The following PANK2 variants were observed in gnomAD, a reference collection of about 807,000 sequenced individuals.
PANK2 encodes the protein pantothenate kinase 2.
In PANK2, 36 loss-of-function variants were observed where a neutral mutation model predicts 43.1. The observed-to-expected ratio is 0.84, with a 90% CI of 0.64 to 1.10. PANK2 has a LOEUF of 1.10. Among genes scored for constraint, PANK2 ranks in the 50% least tolerant of loss-of-function variants. The probability of loss-of-function intolerance (pLI) is 0.00; values close to 1 mark genes in which losing one functional copy is unlikely to be tolerated. For synonymous variants in PANK2, 281 were observed against 238.2 expected, an observed-to-expected ratio of 1.18 and a Z score of -1.66; for missense variants, 576 against 593.3, an observed-to-expected ratio of 0.97 and a Z score of 0.30.
At position 3,924,768 on chromosome 20, in the gene PANK2, C is replaced by G. The variant is rs755734620; in HGVS notation, c.*1474C>G. 6.5e-6 allele frequency: 1 copy of G among 153,584 alleles called. No homozygotes were observed. The highest frequency in any genetic ancestry group is 2.4e-5 in the African/African-American group (1 of 41,456). 9.5% of individuals were successfully genotyped at this position (153,584 alleles called of 1,614,324 possible). ...CCAGCAGCGCTGTTGGTGGCCTCAC[C>G]CTCCTCCAGTACCCAGGCACCAAAG... is the stretch of plus-strand genomic sequence containing the variant. On this transcript the variant is annotated 3_prime_UTR_variant, in exon 7 of 7. Transcript: ENST00000610179.
chr20:3,895,108 GTC>G (rs1420498653), intron 1 of PANK2, among the ~76,000 whole-genome samples: 1 of 151,714 alleles, frequency 6.6e-6, no homozygotes, highest in East Asian at 1.9e-4. Context: ...GCCAGACCTC[GTC>G]TCTCCAAAAA....
At chr20:3,911,282 G>C (rs1341525198) in intron 3 of PANK2, among the ~76,000 whole-genome samples, 1 of 151,914 alleles carries the variant, frequency 6.6e-6, no homozygotes, top group East Asian at 1.9e-4. Context: ...TTGAGGGAAG[G>C]TAGTATGAAA....
chr20:3,921,260 C>T (rs1385828368), intron 6 of PANK2: 1 of 149,720 alleles, frequency 6.7e-6, no homozygotes, highest in Admixed American at 6.7e-5. Flanking sequence ...TCCAAGTGTT[C>T]TCATTGTTCA....
At chr20:3,912,374 A>G (rs2090480973) in intron 3 of PANK2, 84 bp from the exon 4 acceptor site, 4 of 1,444,020 alleles carry the variant, frequency 2.8e-6, no homozygotes, top group Non-Finnish European at 3.9e-6. Context: ...ATATGTGAAT[A>G]TGGTTTTGGG....
At chr20:3,917,148 T>G in intron 5 of PANK2, 98 bp downstream of exon 5, 2 of 1,471,374 alleles carry the variant, frequency 1.4e-6, no homozygotes, top group East Asian at 2.3e-5. Context: ...CTAAATGTAG[T>G]CATTTGGGGT....
chr20:3,927,348 A>G lies in PANK2; in HGVS notation c.*4054A>G, dbSNP rs1158397465. 6.6e-6 allele frequency: 1 copy of G among 152,224 alleles called. No individual in the cohort carries two copies. Among genetic ancestry groups the G allele is most frequent in the African/African-American group, 2.4e-5 (1 of 41,468 alleles). 9.4% of individuals were successfully genotyped at this position (152,224 alleles called of 1,614,324 possible). On this transcript the variant is annotated 3_prime_UTR_variant, in exon 7 of 7. Transcript: ENST00000610179. ...TGCTTTTATTTACACGTTTGAGTCAATTACATGCATGTTTTATTTTTGAGG... is the reference window on the plus strand; with the variant it reads ...TGCTTTTATTTACACGTTTGAGTCAGTTACATGCATGTTTTATTTTTGAGG...
chr20:3,926,850 G>A lies in PANK2; in HGVS notation c.*3556G>A, dbSNP rs1159296835. The A allele has an allele frequency of 6.7e-6, 1 of 149,300 alleles. No homozygotes were observed. The highest frequency in any genetic ancestry group is 1.5e-5 in the Non-Finnish European group (1 of 67,912). The allele number at this position is 149,300 out of a possible 1,614,324, so 9.2% of individuals were successfully genotyped here. On this transcript the variant is annotated 3_prime_UTR_variant, in exon 7 of 7. Transcript: ENST00000610179. ...CCCAGGTACTCGAGAGGCTGAGGCAGACAGTTGCTTGAACCTGGGAGGCAG... is the reference window on the plus strand; with the variant it reads ...CCCAGGTACTCGAGAGGCTGAGGCAAACAGTTGCTTGAACCTGGGAGGCAG...
chr20:3,892,635 C>T (rs1377145167), intron 1 of PANK2, among the ~76,000 whole-genome samples: 1 of 145,298 alleles, frequency 6.9e-6, no homozygotes, highest in Non-Finnish European at 1.5e-5. Flanking sequence ...AAGATCGCGC[C>T]ACTGCACTCC....
At chr20:3,921,480 C>A (rs959738780) in intron 6 of PANK2, 20 of 151,766 alleles carry the variant, frequency 1.3e-4, no homozygotes, top group African/African-American at 4.6e-4. Context: ...GTGGACCCCC[C>A]CCATATATAT....
At chr20:3,902,118 A>G (rs941848570) in intron 1 of PANK2, among the ~76,000 whole-genome samples, 2 of 151,332 alleles carry the variant, frequency 1.3e-5, no homozygotes, top group African/African-American at 4.8e-5. Context: ...TTCTGGAACT[A>G]ACATAAGATG....
At position 3,912,642 on chromosome 20, in the gene PANK2, G is replaced by A. The variant is rs1469722092; in HGVS notation, c.1082+8G>A. 6.2e-7 allele frequency: 1 copy of A among 1,613,518 alleles called. No individual in the cohort carries two copies. ...CTGGGCTGTGGCTTCAAGGTAAGGG[G>A]GCATGTGTGTTCTAAGAAATACAGG... On this transcript the variant is annotated splice_region_variant and intron_variant, in intron 4 of 6. Transcript: ENST00000610179.
intron 3 of PANK2, 21 bp downstream of exon 3, chr20:3,910,851 A>G (rs756117464): frequency 1.7e-5 from 28 of 1,613,680 alleles, no homozygotes; most frequent in Non-Finnish European, 2.4e-5. Flanking sequence ...TATAAAACTC[A>G]CTGTTTATTC....
At chr20:3,904,148 T>C (rs2090349477) in intron 1 of PANK2, among the ~76,000 whole-genome samples, 1 of 152,010 alleles carries the variant, frequency 6.6e-6, no homozygotes, top group South Asian at 2.1e-4. Flanking sequence ...TATGTAGCCT[T>C]TTGTGCAAGG....
intron 5 of PANK2, among the ~76,000 whole-genome samples, chr20:3,918,178 G>A (rs1016615596): frequency 1.3e-5 from 2 of 152,108 alleles, no homozygotes; most frequent in African/African-American, 4.8e-5. Context: ...GTGAATGAGT[G>A]GATTAATTTT....
chr20:3,909,881 C>T (rs1441277501), intron 2 of PANK2, among the ~76,000 whole-genome samples: 1 of 152,126 alleles, frequency 6.6e-6, no homozygotes, highest in African/African-American at 2.4e-5. Flanking sequence ...CGTGAGCCAC[C>T]GTGCCCGGCC....
intron 1 of PANK2, among the ~76,000 whole-genome samples, chr20:3,900,496 C>T (rs896723585): frequency 6.6e-6 from 1 of 151,844 alleles, no homozygotes; most frequent in African/African-American, 2.4e-5. Flanking sequence ...ATGTGTAATA[C>T]TTTTGACTAA....
At chr20:3,913,811 C>T (rs1384494741) in intron 4 of PANK2, among the ~76,000 whole-genome samples, 5 of 121,334 alleles carry the variant, frequency 4.1e-5, no homozygotes, top group East Asian at 2.6e-4. Flanking sequence ...TTTTTTGAGA[C>T]GGAGTCTTGG....
Position 3,924,557 on chromosome 20 carries a change from G to C in PANK2, c.*1263G>C, listed in dbSNP as rs6052176. The stretch of plus-strand genomic sequence containing the variant: ...CTCTGCACATGGGCCTTGGCACTTA[G>C]GAAATATGGGTGCTGCTGCATTGGG... On this transcript the variant is annotated 3_prime_UTR_variant, in exon 7 of 7. Transcript: ENST00000610179. The C allele has an allele frequency of 6.5e-6, 1 of 152,830 alleles. No homozygotes were observed. The highest frequency in any genetic ancestry group is 1.5e-5 in the Non-Finnish European group (1 of 68,534). The allele number at this position is 152,830 out of a possible 1,614,324, so 9.5% of individuals were successfully genotyped here.
chr20:3,903,651 G>A (rs2090341716), intron 1 of PANK2, among the ~76,000 whole-genome samples: 1 of 147,688 alleles, frequency 6.8e-6, no homozygotes, highest in African/African-American at 2.5e-5. Context: ...TTTTTGAGAT[G>A]GAGTCTCACT....
Sources: gnomAD v4.1 joint callset for allele counts (sites outside exome capture counted in the v4.1 genomes callset) on GRCh38, gnomAD v4.1.1 for gene constraint, MANE v1.5 for transcripts, NCBI Gene and HGNC (gene_info 2026-07-23, HGNC 2026-07-21) for gene names.